Variants in SESTD1 observed in about 807,000 individuals in gnomAD.
The protein encoded by SESTD1 is SEC14 domain and spectrin repeat-containing protein 1.
Under a neutral mutation model 101.7 loss-of-function variants are expected in SESTD1, and 43 were observed. The ratio of observed to expected loss-of-function variants is 0.42; its 90% CI spans 0.33 to 0.55. The LOEUF (loss-of-function observed/expected upper bound fraction) is 0.55, where lower values mean the gene tolerates loss of function less well. SESTD1 is among the 20% of genes least tolerant of loss of function. The pLI, the probability that SESTD1 is intolerant of heterozygous loss-of-function variation, is 0.07. For missense variants in SESTD1, 647 were observed against 815.1 expected (o/e 0.79, Z 2.51); for synonymous variants, 283 against 286.8 (o/e 0.99, Z 0.13).
At position 179,201,146 on chromosome 2, in the gene SESTD1, A is replaced by T. The variant is rs372245378; in HGVS notation, c.-25-9280T>A. ...CAGACACTTCTCAAAAGAAGACATTAATGCAGCCAAAAAACACATGAAAAA... is the reference window on the plus strand; with the variant it reads ...CAGACACTTCTCAAAAGAAGACATTTATGCAGCCAAAAAACACATGAAAAA... On this transcript the variant is annotated intron_variant, in intron 1 of 17. Transcript: ENST00000428443. Among the ~76,000 whole-genome samples the T allele has an allele frequency of 1.6e-4, 21 of 134,886 alleles. 2 individuals carry two copies. In the East Asian group the frequency reaches 2.0e-3, roughly 13 times the overall value. 88.5% of individuals were successfully genotyped at this position (134,886 alleles called of 152,430 possible). A position where few individuals can be genotyped will look rare whatever the true frequency, so the allele number is the denominator to read the frequency against.
chr2:179,237,446 G>C (rs1266551651), intron 1 of SESTD1, among the ~76,000 whole-genome samples: 1 of 151,972 alleles, frequency 6.6e-6, no homozygotes, highest in Non-Finnish European at 1.5e-5. Flanking sequence ...ACATTTCCAG[G>C]CATAAAATTT....
rs766111151 is a variant in SESTD1 at position 179,151,395 on chromosome 2, T to A, written c.370-4A>T. On this transcript the variant is annotated splice_region_variant and splice_polypyrimidine_tract_variant and intron_variant, in intron 5 of 17. Transcript: ENST00000428443. ...TGTTGGCGGACACTAAAATAACCTATAAAAAGGTTAAAAGAAAAGAAACAT... is the reference window on the plus strand; with the variant it reads ...TGTTGGCGGACACTAAAATAACCTAAAAAAAGGTTAAAAGAAAAGAAACAT... 1 of 1,580,130 alleles carries A rather than the reference T, an allele frequency of 6.3e-7. No homozygotes were observed. The highest frequency in any genetic ancestry group is 1.2e-5 in the South Asian group (1 of 84,066).
intron 2 of SESTD1, among the ~76,000 whole-genome samples, chr2:179,188,888 A>G (rs1416426132): frequency 6.6e-6 from 1 of 152,148 alleles, no homozygotes; most frequent in African/African-American, 2.4e-5. Flanking sequence ...AAGAAACTGA[A>G]GCCCTCAACA....
Position 179,104,585 on chromosome 2 carries a change from T to G in SESTD1, c.*5314A>C, listed in dbSNP as rs1287497162. ...CACCCTAAAGACATGGTATTCAGCT[T>G]GTGAAGACTTCTAAGGTGCCTCCTG... On this transcript the variant is annotated 3_prime_UTR_variant, in exon 18 of 18. Transcript: ENST00000428443. The G allele has an allele frequency of 1.3e-5, 2 of 152,090 alleles. No homozygotes were observed. Among genetic ancestry groups the G allele is most frequent in the Non-Finnish European group, 2.9e-5 (2 of 68,020 alleles). 9.4% of individuals were successfully genotyped at this position (152,090 alleles called of 1,614,324 possible). A position where few individuals can be genotyped will look rare whatever the true frequency, so the allele number is the denominator to read the frequency against.
intron 1 of SESTD1, among the ~76,000 whole-genome samples, chr2:179,223,303 T>C (rs186572033): frequency 2.6e-5 from 4 of 152,230 alleles, no homozygotes; most frequent in South Asian, 2.1e-4. Flanking sequence ...TGACTGGTAA[T>C]AGACACTAAG....
rs924143373 is a variant in SESTD1, at chr2:179,107,552, A to T, written c.*2347T>A. The T allele has an allele frequency of 6.6e-6, 1 of 152,158 alleles. No individual in the cohort carries two copies. The highest frequency in any genetic ancestry group is 1.5e-5 in the Non-Finnish European group (1 of 68,010). 9.4% of individuals were successfully genotyped at this position (152,158 alleles called of 1,614,324 possible). A position where few individuals can be genotyped will look rare whatever the true frequency, so the allele number is the denominator to read the frequency against. On this transcript the variant is annotated 3_prime_UTR_variant, in exon 18 of 18. Coordinates refer to ENST00000428443, the MANE Select transcript of SESTD1 (RefSeq NM_178123.5). ...GAAGAAACAGATATTGAGTATTGAT[A>T]TTTAGTTATTGAGTATAACTAAATA...
At chr2:179,148,386 C>T (rs2045441529) in intron 7 of SESTD1, among the ~76,000 whole-genome samples, 1 of 152,166 alleles carries the variant, frequency 6.6e-6, no homozygotes, top group African/African-American at 2.4e-5. Context: ...AGGAGGAGGA[C>T]TTGCTCTACC....
chr2:179,165,002 C>T (rs930366682), intron 5 of SESTD1, among the ~76,000 whole-genome samples: 1 of 151,978 alleles, frequency 6.6e-6, no homozygotes, highest in African/African-American at 2.4e-5. Context: ...CAAAATAATA[C>T]CAAGAAAAAT....
intron 1 of SESTD1, among the ~76,000 whole-genome samples, chr2:179,216,424 G>A (rs1249693742): frequency 7.4e-6 from 1 of 134,392 alleles, no homozygotes; most frequent in Non-Finnish European, 1.6e-5. Flanking sequence ...AACTTACAAC[G>A]GATGTGAAGG....
At chr2:179,218,036 G>A (rs1042903827) in intron 1 of SESTD1, among the ~76,000 whole-genome samples, 3 of 152,304 alleles carry the variant, frequency 2.0e-5, no homozygotes, top group African/African-American at 4.8e-5. Context: ...TGTAAATGAC[G>A]AGTTGATGGG....
At position 179,202,233 on chromosome 2, in the gene SESTD1, C is replaced by T. The variant is rs528266276; in HGVS notation, c.-25-10367G>A. Among the ~76,000 whole-genome samples the T allele has an allele frequency of 2.2e-5, 3 of 133,384 alleles. 1 individual carries two copies. The highest frequency in any genetic ancestry group is 4.8e-5 in the Non-Finnish European group (3 of 62,384). The allele number at this position is 133,384 out of a possible 152,430, so 87.5% of individuals were successfully genotyped here. On this transcript the variant is annotated intron_variant, in intron 1 of 17. Coordinates refer to ENST00000428443, the MANE Select transcript of SESTD1 (RefSeq NM_178123.5). ...GTTTATTTTTAAAACTTCTCAGAAT[C>T]ATCTCAGTTTAACTTTTGCTGTGTC... is the stretch of plus-strand genomic sequence containing the variant.
chr2:179,225,773 CT>C (rs1360519685), intron 1 of SESTD1, among the ~76,000 whole-genome samples: 2 of 152,162 alleles, frequency 1.3e-5, no homozygotes, highest in Non-Finnish European at 2.9e-5. Context: ...TCCCTTCAAT[CT>C]TGAGCCCTTT....
At chr2:179,185,773 A>G (rs1286986013) in intron 2 of SESTD1, among the ~76,000 whole-genome samples, 1 of 128,190 alleles carries the variant, frequency 7.8e-6, no homozygotes, top group African/African-American at 3.1e-5. Flanking sequence ...ATAATATAGC[A>G]TATACAATAT....
chr2:179,254,195 A>G (rs960245527), intron 1 of SESTD1, among the ~76,000 whole-genome samples: 18 of 152,182 alleles, frequency 1.2e-4, no homozygotes, highest in Non-Finnish European at 1.8e-4. Context: ...AAGGATGACC[A>G]GGAACTGAAC....
At chr2:179,129,321 T>C (rs1285570055) in intron 10 of SESTD1, among the ~76,000 whole-genome samples, 2 of 152,228 alleles carry the variant, frequency 1.3e-5, no homozygotes. Flanking sequence ...TAAAATTAGA[T>C]TTTTGAACTA....
At chr2:179,149,431 CTTAAAAA>C (rs753083947) in intron 6 of SESTD1, 37 bp from the exon 7 acceptor site, 1 of 1,361,666 alleles carries the variant, frequency 7.3e-7, no homozygotes, top group Non-Finnish European at 1.0e-6. Flanking sequence ...TAAGAACAGT[CTTAAAAA>C]TTAATATGTA....
chr2:179,138,046 A>C (rs1001119129), intron 9 of SESTD1, among the ~76,000 whole-genome samples: 22 of 152,312 alleles, frequency 1.4e-4, no homozygotes, highest in African/African-American at 5.1e-4. Context: ...TGAAAAACAG[A>C]GTACAGAAAA....
rs184477512 is a variant in SESTD1, at chr2:179,135,949, C to T, written c.850-3523G>A. 3.3e-5 allele frequency among the ~76,000 whole-genome samples: 5 copies of T among 152,314 alleles called. No individual in the cohort carries two copies. In the East Asian group the frequency reaches 9.6e-4, roughly 29 times the overall value. Reference sequence around the variant, plus strand: ...TGCAATGGTTTTTTCCTCAACACATCCACTTTTTCTGCTTTACTCTTTTGT... The same window carrying T: ...TGCAATGGTTTTTTCCTCAACACATTCACTTTTTCTGCTTTACTCTTTTGT... On this transcript the variant is annotated intron_variant, in intron 9 of 17. Coordinates refer to ENST00000428443, the MANE Select transcript of SESTD1 (RefSeq NM_178123.5).
intron 1 of SESTD1, among the ~76,000 whole-genome samples, chr2:179,246,504 A>C (rs1559160539): frequency 6.6e-6 from 1 of 152,262 alleles, no homozygotes; most frequent in East Asian, 1.9e-4. Context: ...TCTCTCTCTC[A>C]AGTGTTTATC....
Sources: allele counts gnomAD v4.1 joint callset (sites outside exome capture counted in the v4.1 genomes callset), GRCh38; gene constraint gnomAD v4.1.1; transcripts MANE v1.5; gene names NCBI Gene and HGNC (gene_info 2026-07-23, HGNC 2026-07-21).